CDKAL1: variants seen among roughly 807,000 people sequenced by gnomAD.
CDKAL1 encodes CDKAL1 threonylcarbamoyladenosine tRNA methylthiotransferase.
A neutral mutation model predicts 68.2 loss-of-function variants in CDKAL1; 32 were observed. The observed-to-expected ratio is 0.47, with a 90% CI of 0.35 to 0.63. CDKAL1 has a LOEUF of 0.63. Ranked by LOEUF, CDKAL1 falls within the 30% of genes least tolerant of loss-of-function variation. CDKAL1 has a pLI of 0.00. For missense variants in CDKAL1, 606 were observed against 696.7 expected (o/e 0.87, Z 1.47); for synonymous variants, 234 against 244.3 (o/e 0.96, Z 0.39).
At chr6:20,595,836 C>T (rs1227072658) in intron 4 of CDKAL1, among the ~76,000 whole-genome samples, 1 of 151,730 alleles carries the variant, frequency 6.6e-6, no homozygotes, top group Admixed American at 6.6e-5. Flanking sequence ...TGATGTTGTT[C>T]ACCTTCGGAT....
intron 9 of CDKAL1, among the ~76,000 whole-genome samples, chr6:20,894,181 T>G (rs1026142519): frequency 2.7e-5 from 4 of 149,048 alleles, no homozygotes; most frequent in Non-Finnish European, 5.9e-5. Flanking sequence ...AATTTCTAGG[T>G]CAGCATATTA....
In CDKAL1 at chr6:20,758,276, GTTAA is replaced by G. The variant is rs369525313; in HGVS notation, c.469-314_469-311del. ...TGAAGCTCTGTGTGAGAAGACATGTGTTAATTAAACTTAAGTTTCTGTCTCAGGA... is the reference window on the plus strand; with the variant it reads ...TGAAGCTCTGTGTGAGAAGACATGTGTTAAACTTAAGTTTCTGTCTCAGGA... On this transcript the variant is annotated intron_variant, in intron 6 of 15. Coordinates refer to ENST00000274695, the MANE Select transcript of CDKAL1 (RefSeq NM_017774.3). 1.6e-3 allele frequency among the ~76,000 whole-genome samples: 243 copies of G among 152,172 alleles called. 8 individuals carry two copies. The South Asian group carries it at 0.048, about 30-fold the overall frequency.
At chr6:20,934,131 G>C (rs1292740250) in intron 9 of CDKAL1, among the ~76,000 whole-genome samples, 1 of 152,124 alleles carries the variant, frequency 6.6e-6, no homozygotes, top group Admixed American at 6.5e-5. Flanking sequence ...GATTGAGAGA[G>C]CAATATGATT....
At chr6:20,925,096 T>C (rs1763126992) in intron 9 of CDKAL1, among the ~76,000 whole-genome samples, 1 of 152,196 alleles carries the variant, frequency 6.6e-6, no homozygotes, top group South Asian at 2.1e-4. Context: ...GAAATTGCCA[T>C]GGGCATCCCA....
chr6:20,909,575 G>A (rs536857441), intron 9 of CDKAL1, among the ~76,000 whole-genome samples: 3 of 152,250 alleles, frequency 2.0e-5, no homozygotes, highest in Admixed American at 6.5e-5. Context: ...TTATTTTAGT[G>A]TGGTTTTTGC....
intron 4 of CDKAL1, among the ~76,000 whole-genome samples, chr6:20,633,502 T>C (rs1352753566): frequency 2.6e-5 from 4 of 152,242 alleles, no homozygotes; most frequent in Non-Finnish European, 5.9e-5. Context: ...AACATTGATG[T>C]ACAAGTTTTT....
At chr6:21,146,694 C>CA (rs1181865532) in intron 13 of CDKAL1, among the ~76,000 whole-genome samples, 1 of 151,546 alleles carries the variant, frequency 6.6e-6, no homozygotes, top group East Asian at 1.9e-4. Flanking sequence ...ACTAAAAATA[C>CA]AAAAAAATCA....
chr6:20,881,730 T>C (rs1277609044), intron 9 of CDKAL1, among the ~76,000 whole-genome samples: 1 of 152,216 alleles, frequency 6.6e-6, no homozygotes, highest in Non-Finnish European at 1.5e-5. Context: ...TCTTCCTTTT[T>C]TTATTATGGT....
chr6:20,887,624 A>T (rs559636082), intron 9 of CDKAL1, among the ~76,000 whole-genome samples: 2 of 107,022 alleles, frequency 1.9e-5, no homozygotes, highest in African/African-American at 6.1e-5. Flanking sequence ...TAGAAAAAAA[A>T]CTGAATACTT....
chr6:20,928,079 C>G (rs185355678), intron 9 of CDKAL1, among the ~76,000 whole-genome samples: 3 of 152,094 alleles, frequency 2.0e-5, no homozygotes, highest in Non-Finnish European at 4.4e-5. Flanking sequence ...TTGGTGAGAG[C>G]TCTGATAGTT....
At chr6:20,588,225 C>G (rs1249080264) in intron 4 of CDKAL1, among the ~76,000 whole-genome samples, 1 of 152,210 alleles carries the variant, frequency 6.6e-6, no homozygotes, top group East Asian at 1.9e-4. Flanking sequence ...ATCCTTGATT[C>G]CCTTTCCCTA....
At chr6:20,714,632 C>T (rs1446576113) in intron 5 of CDKAL1, among the ~76,000 whole-genome samples, 2 of 151,970 alleles carry the variant, frequency 1.3e-5, no homozygotes, top group East Asian at 3.9e-4. Flanking sequence ...GTTCACTAGC[C>T]TGAGCCATTC....
In CDKAL1 at chr6:20,589,668, A is replaced by T. The variant is rs967580006; in HGVS notation, c.286+40963A>T. 3.3e-5 allele frequency among the ~76,000 whole-genome samples: 5 copies of T among 152,322 alleles called. No individual in the cohort carries two copies. The East Asian group carries it at 9.6e-4, about 29-fold the overall frequency. ...GGGATTGAATTCAGAAAAAGAACAT[A>T]CTACTAAAAGTACTTTTGTAATTAT... is the stretch of plus-strand genomic sequence containing the variant. On this transcript the variant is annotated intron_variant, in intron 4 of 15. Transcript: ENST00000274695.
At chr6:21,212,050 C>T (rs530683956) in intron 15 of CDKAL1, among the ~76,000 whole-genome samples, 4 of 152,198 alleles carry the variant, frequency 2.6e-5, no homozygotes, top group Admixed American at 6.5e-5. Flanking sequence ...TGTGAGCCTC[C>T]GTGCCTGGCT....
At chr6:20,732,123 G>A (rs956992875) in intron 5 of CDKAL1, among the ~76,000 whole-genome samples, 1 of 151,722 alleles carries the variant, frequency 6.6e-6, no homozygotes, top group Non-Finnish European at 1.5e-5. Context: ...GAAGCTCACT[G>A]CAGCCTCGAC....
At chr6:21,177,576 A>C (rs1046642596) in intron 13 of CDKAL1, among the ~76,000 whole-genome samples, 3 of 152,200 alleles carry the variant, frequency 2.0e-5, no homozygotes, top group Non-Finnish European at 4.4e-5. Flanking sequence ...ACAAAACCAG[A>C]ACACTTGATT....
chr6:20,777,862 G>A (rs745650979), intron 7 of CDKAL1, among the ~76,000 whole-genome samples: 11 of 152,110 alleles, frequency 7.2e-5, no homozygotes, highest in East Asian at 1.9e-4. Flanking sequence ...ACATTAGTGA[G>A]AAAATAGAAT....
At chr6:20,628,339 A>T (rs1161649084) in intron 4 of CDKAL1, among the ~76,000 whole-genome samples, 1 of 152,170 alleles carries the variant, frequency 6.6e-6, no homozygotes, top group South Asian at 2.1e-4. Flanking sequence ...TATTAAAAAT[A>T]CTATGAAGGG....
At chr6:20,892,079 A>C (rs764890907) in intron 9 of CDKAL1, among the ~76,000 whole-genome samples, 2 of 152,184 alleles carry the variant, frequency 1.3e-5, no homozygotes, top group Non-Finnish European at 2.9e-5. Flanking sequence ...TGACAGAGAA[A>C]TCTTACCAAA....
Sources: allele counts gnomAD v4.1 joint callset (sites outside exome capture counted in the v4.1 genomes callset), GRCh38; gene constraint gnomAD v4.1.1; transcripts MANE v1.5; gene names NCBI Gene and HGNC (gene_info 2026-07-23, HGNC 2026-07-21).